The following TMEM98 variants were observed in gnomAD, a reference collection of about 807,000 sequenced individuals.
TMEM98 encodes the protein transmembrane protein 98.
TMEM98 carries 18 observed loss-of-function variants against 25.0 expected under a neutral mutation model. That is an observed-to-expected ratio of 0.72 (90% CI 0.50 to 1.07). TMEM98 has a LOEUF of 1.07. Ranked by LOEUF, TMEM98 falls within the 50% of genes least tolerant of loss-of-function variation. The pLI, the probability that TMEM98 is intolerant of heterozygous loss-of-function variation, is 0.00. For missense variants in TMEM98, 241 were observed against 289.0 expected (o/e 0.83, Z 1.20); for synonymous variants, 103 against 112.4 (o/e 0.92, Z 0.53).
chr17:32,936,841 C>T (rs2091499364), intron 6 of TMEM98, among the ~76,000 whole-genome samples: 1 of 152,226 alleles, frequency 6.6e-6, no homozygotes, highest in South Asian at 2.1e-4. Context: ...CTGCCTGAAT[C>T]TGTGTTGGAG....
chr17:32,931,232 AC>A (rs540927967), intron 1 of TMEM98, 94 bp from the exon 2 acceptor site: 3 of 299,516 alleles, frequency 1.0e-5, no homozygotes, highest in Non-Finnish European at 1.8e-5. Flanking sequence ...AAACAAACAA[AC>A]AAAAAATTTT....
Position 32,939,475 on chromosome 17 carries a change from A to G in TMEM98, c.414-2A>G, listed in dbSNP as rs1266018651. The G allele has an allele frequency of 6.2e-7, 1 of 1,613,192 alleles. No homozygotes were observed. Among genetic ancestry groups the G allele is most frequent in the South Asian group, 1.1e-5 (1 of 91,048 alleles). ...TACTGAACACCTTTTGCCTCCGGTC[A>G]GGGTGGATGATGTTGTGAAGTCGAT... On this transcript the variant is annotated splice_acceptor_variant, in intron 6 of 7. Transcript: ENST00000579849. LOFTEE classifies it high-confidence loss of function.
At position 32,943,493 on chromosome 17, in the gene TMEM98, T is replaced by G. The variant is rs998894474; in HGVS notation, c.*2500T>G. ...GTCTGTATACATGGTAGTAGAGCCT[T>G]CCTTCCATGTCTCTCTTCCCTCTGG... On this transcript the variant is annotated 3_prime_UTR_variant, in exon 8 of 8. Transcript: ENST00000579849. 25 of 152,184 alleles carry G rather than the reference T, an allele frequency of 1.6e-4. No individual in the cohort carries two copies. Among genetic ancestry groups the G allele is most frequent in the African/African-American group, 6.0e-4 (25 of 41,446 alleles). 9.4% of individuals were successfully genotyped at this position (152,184 alleles called of 1,614,324 possible).
chr17:32,941,091 C>T lies in TMEM98; in HGVS notation c.*98C>T. The T allele has an allele frequency of 9.1e-7, 1 of 1,101,004 alleles. No individual in the cohort carries two copies. Among genetic ancestry groups the T allele is most frequent in the Non-Finnish European group, 1.3e-6 (1 of 781,796 alleles). 68.2% of individuals were successfully genotyped at this position (1,101,004 alleles called of 1,614,324 possible). ...TTTTCCTATAGAGTTAGTTGTTCTC[C>T]ACGGCTGGAGAGTTCAGCTGTGTGT... On this transcript the variant is annotated 3_prime_UTR_variant, in exon 8 of 8. Transcript: ENST00000579849.
At position 32,940,960 on chromosome 17, in the gene TMEM98, T is replaced by C. The variant is rs2151115469; in HGVS notation, c.648T>C (p.Pro216=). The change falls in exon 8 of 8, where the codon CCT becomes CCC. Residue 216 remains proline, a synonymous_variant. Transcript: ENST00000579849. ...ASEPDKGLPG[P]EGFLQEQSAI ...AGCCAGATAAAGGCCTCCCAGGCCC[T>C]GAAGGCTTCCTGCAGGAGCAGTCTG... The C allele has an allele frequency of 1.9e-6, 3 of 1,612,806 alleles. No individual in the cohort carries two copies. The highest frequency in any genetic ancestry group is 1.8e-4 in the Middle Eastern group (1 of 5,462).
intron 5 of TMEM98, among the ~76,000 whole-genome samples, chr17:32,935,630 C>T (rs913462449): frequency 4.6e-5 from 7 of 152,090 alleles, no homozygotes; most frequent in Non-Finnish European, 8.8e-5. Flanking sequence ...TCTTTCTGCC[C>T]TCTACTGTCC....
chr17:32,939,684 T>G, intron 7 of TMEM98, 148 bp downstream of exon 7: 1 of 886,358 alleles, frequency 1.1e-6, no homozygotes, highest in Non-Finnish European at 1.8e-6. Flanking sequence ...GCCATTTACT[T>G]CAGTGAGCGG....
In TMEM98 at chr17:32,941,969, G is replaced by C. The variant is rs189023691; in HGVS notation, c.*976G>C. ...AGGTGGGAGGATCGCTTGAGCCCAG[G>C]AGGTGAAGGTTGCAGTGAGCCCTGA... On this transcript the variant is annotated 3_prime_UTR_variant, in exon 8 of 8. Coordinates refer to ENST00000579849, the MANE Select transcript of TMEM98 (RefSeq NM_015544.3). 2.0e-5 allele frequency: 3 copies of C among 152,402 alleles called. No individual in the cohort carries two copies. The highest frequency in any genetic ancestry group is 7.2e-5 in the African/African-American group (3 of 41,552). 9.4% of individuals were successfully genotyped at this position (152,402 alleles called of 1,614,324 possible).
At position 32,942,572 on chromosome 17, in the gene TMEM98, A is replaced by G. The variant is rs1461147225; in HGVS notation, c.*1579A>G. ...TTTCCAGGAAAACAGGCCACTTCCAACCTGCACAATGTACACCAAACCACA... is the reference window on the plus strand; with the variant it reads ...TTTCCAGGAAAACAGGCCACTTCCAGCCTGCACAATGTACACCAAACCACA... On this transcript the variant is annotated 3_prime_UTR_variant, in exon 8 of 8. Transcript: ENST00000579849. 6.6e-6 allele frequency: 1 copy of G among 152,198 alleles called. No homozygotes were observed. The highest frequency in any genetic ancestry group is 1.5e-5 in the Non-Finnish European group (1 of 68,042). The allele number at this position is 152,198 out of a possible 1,614,324, so 9.4% of individuals were successfully genotyped here.
rs1186276597 is a variant in TMEM98 at position 32,942,864 on chromosome 17, A to T, written c.*1871A>T. On this transcript the variant is annotated 3_prime_UTR_variant, in exon 8 of 8. Transcript: ENST00000579849. ...TTTTGTCTTTTTACCTCCCTTTCAG[A>T]ACCTGTTTTCGTAATTAGACTGGAA... The T allele has an allele frequency of 6.6e-6, 1 of 152,154 alleles. No individual in the cohort carries two copies. Among genetic ancestry groups the T allele is most frequent in the African/African-American group, 2.4e-5 (1 of 41,412 alleles). The allele number at this position is 152,154 out of a possible 1,614,324, so 9.4% of individuals were successfully genotyped here. A position where few individuals can be genotyped will look rare whatever the true frequency, so the allele number is the denominator to read the frequency against.
Position 32,931,638 on chromosome 17 carries a change from T to A in TMEM98, c.110T>A (p.Leu37Gln), listed in dbSNP as rs1430814065. 6.2e-7 allele frequency: 1 copy of A among 1,605,806 alleles called. No homozygotes were observed. Residue 37 changes from leucine (L) to glutamine (Q), a missense_variant, in exon 3 of 8, where the codon CTG (leucine) becomes CAG (glutamine). Transcript: ENST00000579849. ...CRQRYCRPRD[L>Q]LQRYDSKPIV... The stretch of plus-strand genomic sequence containing the variant: ...CAGCGCTACTGCCGGCCGCGAGACC[T>A]GCTGCAGCGCTATGATTCTAAGTGA...
At chr17:32,939,743 G>T (rs2091518666) in intron 7 of TMEM98, among the ~76,000 whole-genome samples, 1 of 152,224 alleles carries the variant, frequency 6.6e-6, no homozygotes, top group Admixed American at 6.5e-5. Context: ...CCCAGGAGAA[G>T]AAAGAGGCAG....
At chr17:32,937,776 A>T (rs949516001) in intron 6 of TMEM98, among the ~76,000 whole-genome samples, 3 of 152,042 alleles carry the variant, frequency 2.0e-5, no homozygotes, top group Non-Finnish European at 2.9e-5. Context: ...TTTTTAGTAG[A>T]GATGGGGTTT....
At chr17:32,937,533 A>G (rs1219772307) in intron 6 of TMEM98, among the ~76,000 whole-genome samples, 1 of 152,118 alleles carries the variant, frequency 6.6e-6, no homozygotes, top group Non-Finnish European at 1.5e-5. Flanking sequence ...CCCTGGCTTT[A>G]TAAGAACCCA....
rs147668285 is a variant in TMEM98, at chr17:32,933,481, T to G, written c.263+176T>G. The stretch of plus-strand genomic sequence containing the variant: ...ATATGACTTGAAAGTGTTTGTCCTT[T>G]CCTTCTCTCCCCACATTTTGTAGAC... On this transcript the variant is annotated intron_variant, in intron 4 of 7. Coordinates refer to ENST00000579849, the MANE Select transcript of TMEM98 (RefSeq NM_015544.3). Among the ~76,000 whole-genome samples, 16 of 152,338 alleles carry G rather than the reference T, an allele frequency of 1.1e-4. No individual in the cohort carries two copies. In the East Asian group the frequency reaches 3.1e-3, roughly 29 times the overall value.
intron 1 of TMEM98, among the ~76,000 whole-genome samples, chr17:32,929,104 C>G (rs2091451080): frequency 6.6e-6 from 1 of 151,816 alleles, no homozygotes; most frequent in Middle Eastern, 3.4e-3. Flanking sequence ...CACACCCACT[C>G]AAGCACACTC....
At chr17:32,935,101 C>A (rs1335377261) in intron 5 of TMEM98, among the ~76,000 whole-genome samples, 1 of 151,950 alleles carries the variant, frequency 6.6e-6, no homozygotes, top group Non-Finnish European at 1.5e-5. Context: ...ACAACTTTGT[C>A]TTTTCTTTAG....
In TMEM98 at chr17:32,933,299, A is replaced by G. The variant is rs1453320933; in HGVS notation, c.257A>G (p.Asp86Gly). 6.2e-7 allele frequency: 1 copy of G among 1,614,118 alleles called. No homozygotes were observed. Among genetic ancestry groups the G allele is most frequent in the Admixed American group, 1.7e-5 (1 of 60,020 alleles). ...CTGGAGAATGAAGACTGGATCGAAG[A>G]TGCCTCGTAAGGCCATGGGAACTGT... ...AILENEDWIEDASGLMSHCIA... is the reference protein window; with the variant it reads ...AILENEDWIEGASGLMSHCIA... The change falls in exon 4 of 8, where the codon GAT becomes GGT. Residue 86 changes from aspartate (D) to glycine (G), a missense_variant. By Grantham distance (94) the Asp-to-Gly change is moderately conservative. Coordinates refer to ENST00000579849, the MANE Select transcript of TMEM98 (RefSeq NM_015544.3).
Position 32,940,942 on chromosome 17 carries a change from T to C in TMEM98, c.630T>C (p.Asp210=). ...LREAALASEP[D]KGLPGPEGFL... ...AAGCAGCCCTAGCTTCTGAGCCAGA[T>C]AAAGGCCTCCCAGGCCCTGAAGGCT... is the stretch of plus-strand genomic sequence containing the variant. Residue 210 remains aspartate (D), a synonymous_variant, in exon 8 of 8, where the codon GAT becomes GAC. Coordinates refer to ENST00000579849, the MANE Select transcript of TMEM98 (RefSeq NM_015544.3). The C allele has an allele frequency of 6.2e-7, 1 of 1,613,896 alleles. No individual in the cohort carries two copies. The highest frequency in any genetic ancestry group is 8.5e-7 in the Non-Finnish European group (1 of 1,179,970).
Sources: gnomAD v4.1 joint callset for allele counts (sites outside exome capture counted in the v4.1 genomes callset) on GRCh38, gnomAD v4.1.1 for gene constraint, MANE v1.5 for transcripts, NCBI Gene and HGNC (gene_info 2026-07-23, HGNC 2026-07-21) for gene names.